The following CNTN4 variants were observed in gnomAD, a reference collection of about 807,000 sequenced individuals.
CNTN4 encodes the protein contactin-4.
A neutral mutation model predicts 122.5 loss-of-function variants in CNTN4; 77 were observed. The ratio of observed to expected loss-of-function variants is 0.63; its 90% CI spans 0.52 to 0.76. The LOEUF is 0.76. Among genes scored for constraint, CNTN4 ranks in the 30% least tolerant of loss-of-function variants. The pLI is 0.00. For missense variants in CNTN4, 1,256 were observed against 1,259.1 expected (o/e 1.00, Z 0.04); for synonymous variants, 512 against 447.0 (o/e 1.15, Z -1.83).
chr3:2,370,842 C>T (rs981679771), intron 3 of CNTN4, among the ~76,000 whole-genome samples: 2 of 152,170 alleles, frequency 1.3e-5, no homozygotes, highest in South Asian at 2.1e-4. Context: ...TGCATCCCCC[C>T]ACCTCCCTCT....
chr3:2,121,496 C>CA (rs201166713), intron 2 of CNTN4, among the ~76,000 whole-genome samples: 2,394 of 97,924 alleles, frequency 0.024, 38 homozygotes, highest in Middle Eastern at 0.06. Context: ...GACTCCGTCT[C>CA]AAAAAAAAAA....
At position 3,043,670 on chromosome 3, in the gene CNTN4, C is replaced by A; in HGVS notation, c.2777C>A (p.Ala926Asp). 4.3e-6 allele frequency: 7 copies of A among 1,613,686 alleles called. No homozygotes were observed. Among genetic ancestry groups the A allele is most frequent in the Non-Finnish European group, 5.9e-6 (7 of 1,179,606 alleles). The change falls in exon 23 of 25, where the codon GCC (alanine) becomes GAC (aspartate). Residue 926 changes from alanine (A) to aspartate (D), a missense_variant. Physicochemically the swap from Ala to Asp is moderately radical, Grantham distance 126. Transcript: ENST00000418658. ...ATCCTGAATTGGGATCAAGTGAAGG[C>A]CCTGGATAATGAGTCGGAAGTAAAA... The part of the protein sequence containing the change: ...KIILNWDQVK[A>D]LDNESEVKGY...
intron 2 of CNTN4, among the ~76,000 whole-genome samples, chr3:2,147,784 T>G (rs1195157274): frequency 6.6e-6 from 1 of 152,238 alleles, no homozygotes; most frequent in Non-Finnish European, 1.5e-5. Flanking sequence ...CTGTATTTCA[T>G]ACTTACTGCT....
chr3:3,034,729 C>T lies in CNTN4; in HGVS notation c.1881C>T (p.Ile627=), dbSNP rs1264238281. ...CCGGGCCTGACAACCACAGCCCCAT[C>T]ACCATGTATGTCATTCAAGCCAGGA... ...WRPGPDNHSP[I]TMYVIQARTP... The change falls in exon 17 of 25, where the codon ATC becomes ATT. Residue 627 remains isoleucine, a synonymous_variant. Transcript: ENST00000418658. 4 of 1,613,982 alleles carry T rather than the reference C, an allele frequency of 2.5e-6. No homozygotes were observed. The highest frequency in any genetic ancestry group is 1.7e-5 in the Admixed American group (1 of 59,990).
At chr3:2,541,496 G>C (rs544349933) in intron 3 of CNTN4, among the ~76,000 whole-genome samples, 2 of 152,090 alleles carry the variant, frequency 1.3e-5, no homozygotes, top group African/African-American at 4.8e-5. Context: ...ATAGCACTTA[G>C]TAAAGCTTCG....
At chr3:2,259,627 A>G (rs2040740808) in intron 2 of CNTN4, among the ~76,000 whole-genome samples, 1 of 152,288 alleles carries the variant, frequency 6.6e-6, no homozygotes, top group Middle Eastern at 3.4e-3. Flanking sequence ...GCCAAGCAAA[A>G]AGGGAATCCC....
At chr3:2,534,780 T>G (rs535311868) in intron 3 of CNTN4, among the ~76,000 whole-genome samples, 1 of 130,346 alleles carries the variant, frequency 7.7e-6, no homozygotes, top group Non-Finnish European at 1.7e-5. Context: ...GCTGCCATTT[T>G]ACTCTTGAGG....
In CNTN4 at chr3:2,385,381, G is replaced by T. The variant is rs142710169; in HGVS notation, c.-89+46148G>T. On this transcript the variant is annotated intron_variant, in intron 3 of 24. Transcript: ENST00000418658. The surrounding 1 kb of genome is among the most constrained non-coding windows in gnomAD (Gnocchi z 4.0). ...ATAACCTATTAGCATACTTAAGGCA[G>T]AGTCTTTGTCCTTTTCTCCACTATT... Among the ~76,000 whole-genome samples the T allele has an allele frequency of 6.6e-5, 10 of 152,134 alleles. No homozygotes were observed. Among genetic ancestry groups the T allele is most frequent in the African/African-American group, 2.2e-4 (9 of 41,544 alleles).
At chr3:2,807,772 A>C (rs1046305421) in intron 6 of CNTN4, among the ~76,000 whole-genome samples, 1 of 152,182 alleles carries the variant, frequency 6.6e-6, no homozygotes, top group Non-Finnish European at 1.5e-5. Context: ...GTACAGAGTG[A>C]AGAGTCTTCT....
chr3:2,945,531 T>C (rs1165878558), intron 13 of CNTN4, among the ~76,000 whole-genome samples: 2 of 152,070 alleles, frequency 1.3e-5, no homozygotes, highest in Non-Finnish European at 2.9e-5. Context: ...TCTGGGCACC[T>C]CCCCCTCTCA....
chr3:3,015,555 T>C (rs1478630021), intron 14 of CNTN4, among the ~76,000 whole-genome samples: 1 of 152,214 alleles, frequency 6.6e-6, no homozygotes, highest in African/African-American at 2.4e-5. Flanking sequence ...ATGCGAATTA[T>C]TGCTTCTTTC....
intron 7 of CNTN4, among the ~76,000 whole-genome samples, chr3:2,836,052 A>G (rs1412674835): frequency 6.6e-6 from 1 of 152,168 alleles, no homozygotes; most frequent in Non-Finnish European, 1.5e-5. Context: ...ATAATTTTCT[A>G]TAAAATATTT....
At chr3:2,371,425 C>T (rs1282739957) in intron 3 of CNTN4, among the ~76,000 whole-genome samples, 1 of 149,002 alleles carries the variant, frequency 6.7e-6, no homozygotes, top group Non-Finnish European at 1.5e-5. Flanking sequence ...CTAACTTTTG[C>T]CCTTCACTTT....
chr3:2,177,483 T>C (rs907842974), intron 2 of CNTN4, among the ~76,000 whole-genome samples: 3 of 152,126 alleles, frequency 2.0e-5, no homozygotes, highest in Admixed American at 1.3e-4. Flanking sequence ...CCTGAATTCC[T>C]CCATACATAT....
intron 4 of CNTN4, among the ~76,000 whole-genome samples, chr3:2,699,208 AAGACTTGTTGGGAGGGCTT>A (rs1414956384): frequency 6.6e-6 from 1 of 152,184 alleles, no homozygotes; most frequent in Non-Finnish European, 1.5e-5. Context: ...AATGAGGACT[AAGACTTGTTGGGAGGGCTT>A]TGGAGTGGAA....
At chr3:2,521,027 G>A (rs2077192714) in intron 3 of CNTN4, among the ~76,000 whole-genome samples, 1 of 152,096 alleles carries the variant, frequency 6.6e-6, no homozygotes, top group Non-Finnish European at 1.5e-5. Flanking sequence ...GAAAGGCAGT[G>A]TTCTCCAAGC....
intron 3 of CNTN4, among the ~76,000 whole-genome samples, chr3:2,352,023 T>G (rs1240862894): frequency 6.6e-6 from 1 of 152,236 alleles, no homozygotes; most frequent in Non-Finnish European, 1.5e-5. Flanking sequence ...TAATCATTTT[T>G]GATTTTTACA....
At chr3:2,905,374 G>A (rs796581044) in intron 12 of CNTN4, among the ~76,000 whole-genome samples, 28 of 152,286 alleles carry the variant, frequency 1.8e-4, no homozygotes, top group Admixed American at 7.2e-4. Flanking sequence ...GCCGGGTTCC[G>A]GTGAAGTCCC....
At chr3:2,188,702 C>A (rs1165023129) in intron 2 of CNTN4, among the ~76,000 whole-genome samples, 1 of 152,106 alleles carries the variant, frequency 6.6e-6, no homozygotes. Flanking sequence ...GTAATTAGGG[C>A]AAAGTTGCAG....
Sources: allele counts gnomAD v4.1 joint callset (sites outside exome capture counted in the v4.1 genomes callset), GRCh38; gene constraint gnomAD v4.1.1; non-coding constraint Gnocchi (gnomAD v3.1); transcripts MANE v1.5; gene names NCBI Gene and HGNC (gene_info 2026-07-23, HGNC 2026-07-21).